Variants in NDUFAF6 observed in about 807,000 individuals in gnomAD.
NDUFAF6 encodes NADH:ubiquinone oxidoreductase complex assembly factor 6.
NDUFAF6 carries 45 observed loss-of-function variants against 40.8 expected under a neutral mutation model. That is an observed-to-expected ratio of 1.10 (90% CI 0.87 to 1.42). NDUFAF6 has a LOEUF of 1.42. NDUFAF6 is among the 40% of genes most tolerant of loss of function. NDUFAF6 has a pLI of 0.00. For synonymous variants in NDUFAF6, 185 were observed against 155.9 expected (o/e 1.19, Z -1.39); for missense variants, 435 against 418.5 (o/e 1.04, Z -0.34).
intron 8 of NDUFAF6, among the ~76,000 whole-genome samples, chr8:95,052,580 G>C (rs1831565395): frequency 6.6e-6 from 1 of 152,128 alleles, no homozygotes; most frequent in Non-Finnish European, 1.5e-5. Flanking sequence ...TTGTGGGATT[G>C]TTAGGCTGCT....
At chr8:95,090,840 T>C (rs1239489129) in intron 2 of NDUFAF6, among the ~76,000 whole-genome samples, 1 of 152,136 alleles carries the variant, frequency 6.6e-6, no homozygotes, top group African/African-American at 2.4e-5. Context: ...AAGGAGAGAC[T>C]GGCCTAGCAT....
chr8:94,924,298 G>A (rs886229864), intron 1 of NDUFAF6, among the ~76,000 whole-genome samples: 1 of 152,136 alleles, frequency 6.6e-6, no homozygotes, highest in Non-Finnish European at 1.5e-5. Context: ...CTGACCTTGT[G>A]ATCTGCCTGC....
At chr8:94,980,813 A>G (rs1297603850) in intron 1 of NDUFAF6, 1 of 402,462 alleles carries the variant, frequency 2.5e-6, no homozygotes, top group East Asian at 7.2e-5. Context: ...GTTTACCTCC[A>G]TTACCCCTTT....
rs2599715 is a variant in NDUFAF6, at chr8:95,034,265, G to A, written c.298-1189G>A. On this transcript the variant is annotated intron_variant, in intron 2 of 8. Coordinates refer to ENST00000396124, the MANE Select transcript of NDUFAF6 (RefSeq NM_152416.4). ...ACTTGACTATATCATGACCCTTATC[G>A]CTATAAACTTGATTGTGTGTCTCAT... 2,104 of 328,926 alleles carry A rather than the reference G, an allele frequency of 6.4e-3. 48 individuals are homozygous for A. Among genetic ancestry groups the A allele is most frequent in the African/African-American group, 0.041 (1,911 of 46,462 alleles). 20.4% of individuals were successfully genotyped at this position (328,926 alleles called of 1,614,324 possible). A position where few individuals can be genotyped will look rare whatever the true frequency, so the allele number is the denominator to read the frequency against.
chr8:94,897,416 T>G (rs1419457612), intron 1 of NDUFAF6, among the ~76,000 whole-genome samples: 1 of 152,220 alleles, frequency 6.6e-6, no homozygotes, highest in Non-Finnish European at 1.5e-5. Context: ...CAAGTGGGTC[T>G]GTTAAAAAAA....
chr8:95,071,403 G>GAAAAAA (rs10583999), intron 9 of NDUFAF6, among the ~76,000 whole-genome samples: 1 of 105,490 alleles, frequency 9.5e-6, no homozygotes, highest in East Asian at 2.9e-4. Flanking sequence ...GTCTCCAAAA[G>GAAAAAA]AAAAAAAAAA....
chr8:95,078,662 A>AATATATATATATATATATATAT (rs57127319), downstream of NDUFAF6: 3 of 121,040 alleles, frequency 2.5e-5, no homozygotes, highest in African/African-American at 6.5e-5. Flanking sequence ...AAAAAAAAAA[A>AATATATATATATATATATATAT]ATATATATAT....
intron 1 of NDUFAF6, among the ~76,000 whole-genome samples, chr8:94,934,356 G>A (rs982659195): frequency 1.3e-5 from 2 of 151,848 alleles, no homozygotes; most frequent in Non-Finnish European, 2.9e-5. Context: ...ATAAATGCCA[G>A]TAAGTTTAAA....
chr8:95,002,053 G>A (rs1826760589), intron 2 of NDUFAF6, among the ~76,000 whole-genome samples: 1 of 152,210 alleles, frequency 6.6e-6, no homozygotes, highest in Admixed American at 6.5e-5. Flanking sequence ...ATGAAAAGAG[G>A]ATTTAGTGAC....
intron 2 of NDUFAF6, 78 bp from the exon 3 acceptor site, chr8:95,035,376 C>A: frequency 6.6e-7 from 1 of 1,510,058 alleles, no homozygotes; most frequent in African/African-American, 1.4e-5. Flanking sequence ...TACATTAACT[C>A]AAAAAATTCC....
At chr8:94,921,799 T>G (rs1819520368) in intron 1 of NDUFAF6, among the ~76,000 whole-genome samples, 1 of 152,174 alleles carries the variant, frequency 6.6e-6, no homozygotes, top group Non-Finnish European at 1.5e-5. Flanking sequence ...AAATAGGGCT[T>G]CTCACTCATT....
At chr8:95,000,015 G>C (rs1826644822) in intron 2 of NDUFAF6, among the ~76,000 whole-genome samples, 1 of 151,648 alleles carries the variant, frequency 6.6e-6, no homozygotes, top group African/African-American at 2.4e-5. Context: ...TTGGAGATCA[G>C]CCTGGACAAC....
chr8:94,981,757 A>G (rs546635768), intron 2 of NDUFAF6, among the ~76,000 whole-genome samples: 1 of 152,286 alleles, frequency 6.6e-6, no homozygotes, highest in African/African-American at 2.4e-5. Flanking sequence ...GAGAGAGCTG[A>G]TATTCTGATT....
At chr8:95,094,385 TCTTTTCTTTTCTTTC>T (rs771413012) in intron 2 of NDUFAF6, among the ~76,000 whole-genome samples, 41,433 of 85,418 alleles carry the variant, frequency 0.49, 9,883 homozygotes, top group East Asian at 0.76. Flanking sequence ...TTTCCTTCTT[TCTTTTCTTTTCTTTC>T]TTTTTTTTTT....
chr8:95,079,224 A>C (rs1031824836), downstream of NDUFAF6, among the ~76,000 whole-genome samples: 1 of 152,094 alleles, frequency 6.6e-6, no homozygotes, highest in Non-Finnish European at 1.5e-5. Flanking sequence ...CGCCCACCTC[A>C]GCCTCCCAAA....
upstream of NDUFAF6, among the ~76,000 whole-genome samples, chr8:95,021,276 C>T (rs1341719580): frequency 1.3e-5 from 2 of 152,122 alleles, no homozygotes; most frequent in African/African-American, 2.4e-5. Flanking sequence ...CACCAAATGG[C>T]CTCCTTGAAG....
chr8:95,100,144 G>T (rs763702101), upstream of NDUFAF6, among the ~76,000 whole-genome samples: 3 of 151,872 alleles, frequency 2.0e-5, no homozygotes, highest in African/African-American at 4.8e-5. Context: ...ATCATTTCCT[G>T]CCTTAGTTCA....
chr8:94,994,116 A>G (rs1826312388), intron 2 of NDUFAF6, among the ~76,000 whole-genome samples: 1 of 152,066 alleles, frequency 6.6e-6, no homozygotes, highest in Non-Finnish European at 1.5e-5. Flanking sequence ...GCTCCATGGG[A>G]AGAATATGTT....
In NDUFAF6 at chr8:95,035,508, A is replaced by G; in HGVS notation, c.352A>G (p.Lys118Glu). 1.2e-6 allele frequency: 2 copies of G among 1,613,650 alleles called. No homozygotes were observed. Among genetic ancestry groups the G allele is most frequent in the Non-Finnish European group, 8.5e-7 (1 of 1,179,668 alleles). ...TIGLMRMQFW[K>E]KTVEDIYCDN... ...TGGACTGATGCGAATGCAGTTTTGGAAAAAAACTGTGGAAGATATATACTG... is the reference window on the plus strand; with the variant it reads ...TGGACTGATGCGAATGCAGTTTTGGGAAAAAACTGTGGAAGATATATACTG... Residue 118 changes from lysine (K) to glutamate (E), a missense_variant, in exon 3 of 9, where the codon AAA (lysine) becomes GAA (glutamate). Transcript: ENST00000396124.
Sources: gnomAD v4.1 joint callset for allele counts (sites outside exome capture counted in the v4.1 genomes callset) on GRCh38, gnomAD v4.1.1 for gene constraint, MANE v1.5 for transcripts, NCBI Gene and HGNC (gene_info 2026-07-23, HGNC 2026-07-21) for gene names.